ARID4B: variants seen among roughly 807,000 people sequenced by gnomAD.
ARID4B encodes AT-rich interactive domain-containing protein 4B.
A neutral mutation model predicts 147.5 loss-of-function variants in ARID4B; 26 were observed. The observed-to-expected ratio is 0.18, with a 90% CI of 0.13 to 0.24. The LOEUF (loss-of-function observed/expected upper bound fraction) is 0.24. ARID4B is among the 10% of genes least tolerant of loss of function. The pLI is 1.00. For synonymous variants in ARID4B, 512 were observed against 507.9 expected, an observed-to-expected ratio of 1.01 and a Z score of -0.11; for missense variants, 1,179 against 1,511.5, an observed-to-expected ratio of 0.78 and a Z score of 3.65.
chr1:235,219,492 A>C (rs980456358), intron 16 of ARID4B, among the ~76,000 whole-genome samples: 2 of 152,226 alleles, frequency 1.3e-5, no homozygotes, highest in African/African-American at 4.8e-5. Flanking sequence ...ACATGGACAT[A>C]GCCCCAAGTT....
At chr1:235,236,531 T>A (rs1668569470) in intron 8 of ARID4B, among the ~76,000 whole-genome samples, 1 of 146,112 alleles carries the variant, frequency 6.8e-6, no homozygotes, top group Non-Finnish European at 1.5e-5. Context: ...TGTGTGTGTT[T>A]GAGATGGGGT....
chr1:235,267,963 G>A (rs1670725268), intron 2 of ARID4B, among the ~76,000 whole-genome samples: 1 of 152,048 alleles, frequency 6.6e-6, no homozygotes, highest in Admixed American at 6.6e-5. Context: ...TATTCTCTGG[G>A]GCCATTTCTT....
intron 2 of ARID4B, among the ~76,000 whole-genome samples, chr1:235,310,956 C>T (rs924663607): frequency 6.6e-6 from 1 of 152,144 alleles, no homozygotes; most frequent in Non-Finnish European, 1.5e-5. Flanking sequence ...CAGGTATAAG[C>T]CACCGCACCC....
chr1:235,302,177 A>AAAAAC (rs1328896810), intron 2 of ARID4B, among the ~76,000 whole-genome samples: 1 of 120,174 alleles, frequency 8.3e-6, no homozygotes, highest in Non-Finnish European at 1.7e-5. Context: ...AAAAAAAAAA[A>AAAAAC]CAGCAAAAAA....
chr1:235,288,323 A>C (rs1258600117), intron 2 of ARID4B, among the ~76,000 whole-genome samples: 1 of 152,112 alleles, frequency 6.6e-6, no homozygotes, highest in Non-Finnish European at 1.5e-5. Flanking sequence ...AAAAAAAAGT[A>C]AGTCCTAAAT....
chr1:235,236,850 ATATATATATATATTTTTTTTTTTT>A (rs1668623312), intron 8 of ARID4B, among the ~76,000 whole-genome samples: 1 of 37,526 alleles, frequency 2.7e-5, no homozygotes, highest in African/African-American at 8.3e-5. Flanking sequence ...ATATATATAT[ATATATATATATATTTTTTTTTTTT>A]TTTTTTTTTT....
At chr1:235,326,170 T>C (rs1162846680) in intron 2 of ARID4B, among the ~76,000 whole-genome samples, 1 of 152,112 alleles carries the variant, frequency 6.6e-6, no homozygotes, top group Non-Finnish European at 1.5e-5. Flanking sequence ...AAAGACAGCA[T>C]TCATATACAT....
chr1:235,324,194 A>T (rs1675052257), intron 2 of ARID4B, among the ~76,000 whole-genome samples: 1 of 152,206 alleles, frequency 6.6e-6, no homozygotes, highest in Admixed American at 6.5e-5. Flanking sequence ...GGCGTGAGCC[A>T]CCATGCCCAG....
chr1:235,188,420 T>C (rs904013778), intron 19 of ARID4B, among the ~76,000 whole-genome samples: 2 of 152,102 alleles, frequency 1.3e-5, no homozygotes, highest in Non-Finnish European at 2.9e-5. Flanking sequence ...GGGAGCCTCA[T>C]ACAAGGAGCA....
intron 2 of ARID4B, among the ~76,000 whole-genome samples, chr1:235,313,537 A>C (rs572952656): frequency 6.6e-6 from 1 of 152,126 alleles, no homozygotes; most frequent in African/African-American, 2.4e-5. Context: ...CAGGTGGCTG[A>C]CTACACCACA....
intron 2 of ARID4B, among the ~76,000 whole-genome samples, chr1:235,297,401 C>T (rs1380502089): frequency 6.6e-6 from 1 of 151,998 alleles, no homozygotes; most frequent in African/African-American, 2.4e-5. Flanking sequence ...ATTTTTATAG[C>T]CTCCACTTCT....
intron 13 of ARID4B, among the ~76,000 whole-genome samples, chr1:235,222,930 G>A (rs1166206759): frequency 1.3e-5 from 2 of 151,942 alleles, no homozygotes; most frequent in Non-Finnish European, 2.9e-5. Context: ...TGATCTACCC[G>A]CCTCAGCCTC....
At chr1:235,208,906 C>G (rs1161504674) in intron 17 of ARID4B, among the ~76,000 whole-genome samples, 1 of 152,062 alleles carries the variant, frequency 6.6e-6, no homozygotes, top group Non-Finnish European at 1.5e-5. Context: ...TGAGCATACT[C>G]CAAACATGCC....
At chr1:235,219,155 G>A (rs1018517470) in intron 16 of ARID4B, among the ~76,000 whole-genome samples, 16 of 151,916 alleles carry the variant, frequency 1.1e-4, no homozygotes, top group African/African-American at 3.1e-4. Flanking sequence ...GTGAACCACC[G>A]CACCTGGCCT....
chr1:235,218,929 G>A (rs541810906), intron 16 of ARID4B, among the ~76,000 whole-genome samples: 10 of 143,104 alleles, frequency 7.0e-5, no homozygotes, highest in African/African-American at 2.6e-4. Flanking sequence ...ACAGTGGTAC[G>A]ATCTCAGCTC....
chr1:235,219,968 C>A lies in ARID4B; in HGVS notation c.1408G>T (p.Gly470Ter). The A allele has an allele frequency of 6.6e-7, 1 of 1,525,012 alleles. No homozygotes were observed. The highest frequency in any genetic ancestry group is 8.8e-7 in the Non-Finnish European group (1 of 1,137,786). The allele number at this position is 1,525,012 out of a possible 1,614,324, so 94.5% of individuals were successfully genotyped here. ...GATTCTAATAAATTCTTTTTACTTC[C>A]CTAGAAAAAGATCAGAGGAAAGAAA... ...ERKENIKPSL[G>*]SKKNLLESIP... The change falls in exon 16 of 24, where the codon GGA becomes TGA. Residue 470 changes from glycine to a stop codon, truncating the protein, a stop_gained and splice_region_variant. Transcript: ENST00000264183. LOFTEE classifies it high-confidence loss of function.
intron 17 of ARID4B, 75 bp downstream of exon 17, chr1:235,213,694 T>C (rs954244610): frequency 6.9e-7 from 1 of 1,445,308 alleles, no homozygotes; most frequent in Non-Finnish European, 9.3e-7. Flanking sequence ...CTGTAATCCA[T>C]TACTTAAGTT....
chr1:235,182,416 T>G lies in ARID4B; in HGVS notation c.2503A>C (p.Lys835Gln). The part of the protein sequence containing the change: ...RRYCNTEECL[K>Q]TGSPGKKEEK... The stretch of plus-strand genomic sequence containing the variant: ...TCCTTTTTGCCAGGTGATCCAGTTT[T>G]TAGACACTCTTCTGTATTGCAATAC... Residue 835 changes from lysine (K) to glutamine (Q), a missense_variant, in exon 20 of 24, where the codon AAA becomes CAA. By Grantham distance (53) the Lys-to-Gln change is moderately conservative. This residue lies in a region of ARID4B where 321 missense variants were observed against 342.4 expected (regional missense o/e 0.94). Coordinates refer to ENST00000264183, the MANE Select transcript of ARID4B (RefSeq NM_016374.6). 6.2e-7 allele frequency: 1 copy of G among 1,609,208 alleles called. No homozygotes were observed. The highest frequency in any genetic ancestry group is 8.5e-7 in the Non-Finnish European group (1 of 1,178,868).
chr1:235,281,549 T>A (rs992311486), intron 2 of ARID4B, among the ~76,000 whole-genome samples: 4 of 151,974 alleles, frequency 2.6e-5, no homozygotes, highest in African/African-American at 7.3e-5. Flanking sequence ...ACATTCCGTC[T>A]CAAAAAAACA....
Sources: allele counts gnomAD v4.1 joint callset (sites outside exome capture counted in the v4.1 genomes callset), GRCh38; gene constraint gnomAD v4.1.1; regional missense constraint gnomAD v4.1.1; transcripts MANE v1.5; gene names NCBI Gene and HGNC (gene_info 2026-07-23, HGNC 2026-07-21).